Variants in MARCHF11 observed in about 807,000 individuals in gnomAD.
The protein encoded by MARCHF11 is membrane associated ring-CH-type finger 11.
In MARCHF11, 29 loss-of-function variants were observed where a neutral mutation model predicts 37.3. The ratio of observed to expected loss-of-function variants is 0.78; its 90% CI spans 0.58 to 1.06. The LOEUF (loss-of-function observed/expected upper bound fraction) is 1.06, where lower values mean the gene tolerates loss of function less well. Among genes scored for constraint, MARCHF11 ranks in the 50% least tolerant of loss-of-function variants. The pLI is 0.00. For synonymous variants in MARCHF11, 233 were observed against 228.0 expected, an observed-to-expected ratio of 1.02 and a Z score of -0.20; for missense variants, 482 against 533.4, an observed-to-expected ratio of 0.90 and a Z score of 0.95.
At chr5:16,085,182 C>T (rs567566833) in intron 3 of MARCHF11, among the ~76,000 whole-genome samples, 7 of 151,990 alleles carry the variant, frequency 4.6e-5, no homozygotes, top group African/African-American at 7.2e-5. Flanking sequence ...ATAAAATCCC[C>T]GTAGCGTTAA....
intron 3 of MARCHF11, among the ~76,000 whole-genome samples, chr5:16,079,657 C>A (rs565194044): frequency 3.9e-5 from 6 of 152,280 alleles, no homozygotes; most frequent in African/African-American, 1.4e-4. Context: ...GCTCAGCCTC[C>A]TCTCCCCAGG....
chr5:16,103,373 T>G (rs1483409797), intron 2 of MARCHF11, among the ~76,000 whole-genome samples: 2 of 151,720 alleles, frequency 1.3e-5, no homozygotes, highest in African/African-American at 4.8e-5. Flanking sequence ...AATAGTGGGG[T>G]TTTATTGTTG....
chr5:16,119,255 C>A (rs756636619), intron 2 of MARCHF11, among the ~76,000 whole-genome samples: 3 of 151,634 alleles, frequency 2.0e-5, no homozygotes, highest in Non-Finnish European at 4.4e-5. Flanking sequence ...TGCACCTGCT[C>A]GGGAGGCTGA....
At chr5:16,090,677 A>G (rs984013053) in intron 3 of MARCHF11, among the ~76,000 whole-genome samples, 1 of 151,910 alleles carries the variant, frequency 6.6e-6, no homozygotes, top group Non-Finnish European at 1.5e-5. Context: ...AATGGGCATT[A>G]TCCTGTTAAT....
intron 2 of MARCHF11, among the ~76,000 whole-genome samples, chr5:16,103,070 C>T (rs1478057728): frequency 2.0e-5 from 3 of 151,446 alleles, no homozygotes; most frequent in Admixed American, 6.6e-5. Flanking sequence ...CTGGTACATG[C>T]CAGACCCTAC....
At chr5:16,145,509 T>C in intron 2 of MARCHF11, among the ~76,000 whole-genome samples, 1 of 152,146 alleles carries the variant, frequency 6.6e-6, no homozygotes, top group East Asian at 1.9e-4. Flanking sequence ...GAGAAATACA[T>C]TTCTATTGTT....
intron 2 of MARCHF11, among the ~76,000 whole-genome samples, chr5:16,160,378 TATA>T (rs1182779498): frequency 9.0e-5 from 13 of 145,108 alleles, no homozygotes; most frequent in African/African-American, 1.7e-4. Context: ...AAATATTAAA[TATA>T]ATAATATAAT....
chr5:16,167,008 GAACATACAACGATGTTCA>G (rs1381776125), intron 2 of MARCHF11, among the ~76,000 whole-genome samples: 3 of 147,964 alleles, frequency 2.0e-5, no homozygotes, highest in Middle Eastern at 3.7e-3. Context: ...ATTTACTTAT[GAACATACAACGATGTTCA>G]TTTACTTATG....
intron 2 of MARCHF11, among the ~76,000 whole-genome samples, chr5:16,150,726 A>AT (rs892006239): frequency 7.2e-5 from 11 of 151,894 alleles, no homozygotes; most frequent in South Asian, 4.2e-4. Flanking sequence ...GTAAGTTCCT[A>AT]TTTTCAGGAC....
At chr5:16,118,817 G>A (rs1302562225) in intron 2 of MARCHF11, among the ~76,000 whole-genome samples, 1 of 152,164 alleles carries the variant, frequency 6.6e-6, no homozygotes, top group Non-Finnish European at 1.5e-5. Flanking sequence ...AGAAAGCACT[G>A]GAGTAACACA....
intron 2 of MARCHF11, among the ~76,000 whole-genome samples, chr5:16,140,310 T>C (rs2007639932): frequency 6.6e-6 from 1 of 151,986 alleles, no homozygotes; most frequent in Admixed American, 6.6e-5. Context: ...AGAAAAAATA[T>C]AAAAGTCAGA....
chr5:16,098,094 A>T (rs569037869), intron 2 of MARCHF11, among the ~76,000 whole-genome samples: 35 of 152,340 alleles, frequency 2.3e-4, no homozygotes, highest in African/African-American at 6.0e-4. Context: ...CTCTCAGTAG[A>T]TGTGGTAAAA....
intron 2 of MARCHF11, among the ~76,000 whole-genome samples, chr5:16,094,359 C>T (rs908551751): frequency 3.9e-5 from 6 of 152,070 alleles, no homozygotes; most frequent in South Asian, 2.1e-4. Flanking sequence ...AAATAAGTCT[C>T]GTGGGACTTC....
intron 2 of MARCHF11, among the ~76,000 whole-genome samples, chr5:16,110,817 G>T (rs1458780661): frequency 1.3e-5 from 2 of 152,142 alleles, no homozygotes; most frequent in African/African-American, 4.8e-5. Context: ...GACATGGTTT[G>T]GCTGTGTCCC....
chr5:16,107,320 T>A (rs777340256), intron 2 of MARCHF11, among the ~76,000 whole-genome samples: 2 of 147,826 alleles, frequency 1.4e-5, no homozygotes, highest in East Asian at 4.0e-4. Context: ...GAGGGCTTGA[T>A]GGAAGCACTA....
intron 3 of MARCHF11, among the ~76,000 whole-genome samples, chr5:16,073,612 T>C (rs1273192235): frequency 6.7e-6 from 1 of 149,496 alleles, no homozygotes; most frequent in African/African-American, 2.4e-5. Flanking sequence ...TATAATAATA[T>C]ATATAGAACT....
chr5:16,123,124 G>T (rs1453671852), intron 2 of MARCHF11, among the ~76,000 whole-genome samples: 1 of 152,060 alleles, frequency 6.6e-6, no homozygotes, highest in Non-Finnish European at 1.5e-5. Flanking sequence ...TCAATTTATT[G>T]CCCGCATACA....
chr5:16,147,078 C>T (rs1301846716), intron 2 of MARCHF11, among the ~76,000 whole-genome samples: 2 of 152,050 alleles, frequency 1.3e-5, no homozygotes, highest in Non-Finnish European at 2.9e-5. Flanking sequence ...TTTCAAAAGA[C>T]TATCTTTTAT....
intron 2 of MARCHF11, among the ~76,000 whole-genome samples, chr5:16,120,132 A>G (rs577806783): frequency 1.8e-4 from 28 of 152,348 alleles, no homozygotes; most frequent in Admixed American, 1.5e-3. Flanking sequence ...AATGTTGGAA[A>G]TGTAAAGCTT....
Sources: gnomAD v4.1 joint callset for allele counts (sites outside exome capture counted in the v4.1 genomes callset) on GRCh38, gnomAD v4.1.1 for gene constraint, MANE v1.5 for transcripts, NCBI Gene and HGNC (gene_info 2026-07-23, HGNC 2026-07-21) for gene names.